FGR: variants seen among roughly 807,000 people sequenced by gnomAD.
FGR encodes the protein FGR proto-oncogene, Src family tyrosine kinase, also known as tyrosine-protein kinase Fgr.
FGR carries 26 observed loss-of-function variants against 63.2 expected under a neutral mutation model. The observed-to-expected ratio is 0.41, with a 90% CI of 0.30 to 0.57. The LOEUF (loss-of-function observed/expected upper bound fraction) is 0.57, where lower values mean the gene tolerates loss of function less well. Ranked by LOEUF, FGR falls within the 20% of genes least tolerant of loss-of-function variation. FGR has a pLI of 0.27. For synonymous variants in FGR, 286 were observed against 277.7 expected (o/e 1.03, Z -0.30); for missense variants, 511 against 690.8 (o/e 0.74, Z 2.92).
At chr1:27,621,445 A>T in intron 5 of FGR, 114 bp downstream of exon 5, 1 of 704,680 alleles carries the variant, frequency 1.4e-6, no homozygotes, top group Admixed American at 2.3e-5. Context: ...TTACAAAATT[A>T]TTAGATAAGG....
In FGR at chr1:27,615,796, A is replaced by C; in HGVS notation, c.731T>G (p.Met244Arg). ...GGCCAGGCCCAGCGTCTGCGGCTTC[A>C]TGATGGTGCAGGGCGCGATGAGCAG... Reference protein sequence around the residue: ...CNLLIAPCTIMKPQTLGLAKD... With the variant: ...CNLLIAPCTIRKPQTLGLAKD... Residue 244 changes from methionine to arginine, a missense_variant, in exon 8 of 13, where the codon ATG (methionine) becomes AGG (arginine). Physicochemically the swap from Met to Arg is moderately conservative, Grantham distance 91. Transcript: ENST00000374005. This position sits in a 1 kb window ranked among gnomAD's most constrained non-coding sequence, Gnocchi z 7.6. The C allele has an allele frequency of 6.2e-7, 1 of 1,601,012 alleles. No homozygotes were observed. The highest frequency in any genetic ancestry group is 8.5e-7 in the Non-Finnish European group (1 of 1,173,886).
intron 2 of FGR, among the ~76,000 whole-genome samples, chr1:27,624,545 G>T (rs1216462761): frequency 6.6e-6 from 1 of 152,170 alleles, no homozygotes; most frequent in Non-Finnish European, 1.5e-5. Flanking sequence ...GGGTGAGTTT[G>T]CCTGTGTGGG....
intron 5 of FGR, among the ~76,000 whole-genome samples, chr1:27,620,968 G>A (rs925331659): frequency 9.1e-6 from 1 of 110,262 alleles, no homozygotes; most frequent in Non-Finnish European, 1.7e-5. Flanking sequence ...CTCTAGCCTA[G>A]GCAACAGAGT....
chr1:27,612,804 A>G lies in FGR; in HGVS notation c.*110T>C. On this transcript the variant is annotated 3_prime_UTR_variant, in exon 13 of 13. Transcript: ENST00000374005. ...TGTCAGAGCAGCCACGTCCTCGGTG[A>G]TGCTAGGACTCTATGGGGTTCTAAG... The G allele has an allele frequency of 1.0e-6, 1 of 1,002,310 alleles. No homozygotes were observed. 62.1% of individuals were successfully genotyped at this position (1,002,310 alleles called of 1,614,324 possible).
At chr1:27,628,716 G>A (rs2090062125) in intron 1 of FGR, among the ~76,000 whole-genome samples, 2 of 152,312 alleles carry the variant, frequency 1.3e-5, no homozygotes, top group South Asian at 4.1e-4. Flanking sequence ...ATATCAGATG[G>A]AGGGGATCCC....
Position 27,616,720 on chromosome 1 carries a change from G to T in FGR, c.682+137C>A. The T allele has an allele frequency of 2.3e-6, 2 of 884,918 alleles. No homozygotes were observed. Among genetic ancestry groups the T allele is most frequent in the East Asian group, 2.6e-5 (1 of 39,040 alleles). 54.8% of individuals were successfully genotyped at this position (884,918 alleles called of 1,614,324 possible). On this transcript the variant is annotated intron_variant, in intron 7 of 12. Coordinates refer to ENST00000374005, the MANE Select transcript of FGR (RefSeq NM_005248.3). The surrounding 1 kb of genome is among the most constrained non-coding windows in gnomAD (Gnocchi z 4.3). ...GCTCACAGAGCTGGATCCTGGGCTG[G>T]CAGACCCCATCCTTGGGTTCTGGTT...
At chr1:27,620,911 A>G (rs1485949728) in intron 5 of FGR, among the ~76,000 whole-genome samples, 2 of 142,284 alleles carry the variant, frequency 1.4e-5, no homozygotes, top group African/African-American at 5.1e-5. Context: ...CATCTGAGCC[A>G]GGGAGGTCAA....
chr1:27,615,078 T>C lies in FGR; in HGVS notation c.1019-152A>G. 1 of 653,316 alleles carries C rather than the reference T, an allele frequency of 1.5e-6. No homozygotes were observed. Among genetic ancestry groups the C allele is most frequent in the South Asian group, 1.8e-5 (1 of 57,124 alleles). 40.5% of individuals were successfully genotyped at this position (653,316 alleles called of 1,614,324 possible). ...CCTCAACCCCTCACTTGTCTCGTCC[T>C]GGCCCTGCTGCCAGACACGGACTCT... On this transcript the variant is annotated intron_variant, in intron 9 of 12. Transcript: ENST00000374005. This position sits in a 1 kb window ranked among gnomAD's most constrained non-coding sequence, Gnocchi z 7.6.
intron 1 of FGR, among the ~76,000 whole-genome samples, chr1:27,632,081 G>A (rs1197122208): frequency 2.0e-5 from 3 of 150,110 alleles, no homozygotes; most frequent in Non-Finnish European, 4.4e-5. Context: ...CTTTGCTGAG[G>A]CCCCCACTGC....
rs759607337 is a variant in FGR at position 27,617,151 on chromosome 1, G to C, written c.532+42C>G. On this transcript the variant is annotated intron_variant, in intron 6 of 12. Coordinates refer to ENST00000374005, the MANE Select transcript of FGR (RefSeq NM_005248.3). The surrounding 1 kb of genome is among the most constrained non-coding windows in gnomAD (Gnocchi z 4.5). The stretch of plus-strand genomic sequence containing the variant: ...TACCGCTCCTAGCCCTACCCCAATG[G>C]CTGGGCCTCCCAGTCGCCTTGGGGC... 1 of 1,601,386 alleles carries C rather than the reference G, an allele frequency of 6.2e-7. No homozygotes were observed. Among genetic ancestry groups the C allele is most frequent in the South Asian group, 1.1e-5 (1 of 90,826 alleles).
Position 27,617,442 on chromosome 1 carries a change from G to T in FGR, c.429-146C>A, listed in dbSNP as rs2089836624. The T allele has an allele frequency of 1.3e-5, 8 of 634,636 alleles. No homozygotes were observed. Among genetic ancestry groups the T allele is most frequent in the Non-Finnish European group, 2.3e-5 (8 of 351,526 alleles). 39.3% of individuals were successfully genotyped at this position (634,636 alleles called of 1,614,324 possible). On this transcript the variant is annotated intron_variant, in intron 5 of 12. Transcript: ENST00000374005. The surrounding 1 kb of genome is among the most constrained non-coding windows in gnomAD (Gnocchi z 4.5). Reference sequence around the variant, plus strand: ...CCTGCTTCACATCCTGGCTGGGAGGGTTACAGAGAAGGGGAGTGTAAAATG... The same window carrying T: ...CCTGCTTCACATCCTGGCTGGGAGGTTTACAGAGAAGGGGAGTGTAAAATG...
rs1400755746 is a variant in FGR, at chr1:27,616,570, G to A, written c.682+287C>T. On this transcript the variant is annotated intron_variant, in intron 7 of 12. Transcript: ENST00000374005. This position sits in a 1 kb window ranked among gnomAD's most constrained non-coding sequence, Gnocchi z 4.3. ...AGGGCAGTCCTGGTGCCTTGGTGGGGCATTCAGGCGGCACAAACACTCCAT... is the reference window on the plus strand; with the variant it reads ...AGGGCAGTCCTGGTGCCTTGGTGGGACATTCAGGCGGCACAAACACTCCAT... Among the ~76,000 whole-genome samples, 2 of 152,238 alleles carry A rather than the reference G, an allele frequency of 1.3e-5. No homozygotes were observed. Among genetic ancestry groups the A allele is most frequent in the African/African-American group, 2.4e-5 (1 of 41,458 alleles).
At position 27,615,471 on chromosome 1, in the gene FGR, C is replaced by T. The variant is rs1340326277; in HGVS notation, c.981G>A (p.Glu327=). The T allele has an allele frequency of 6.2e-7, 1 of 1,610,294 alleles. No homozygotes were observed. ...ACTCGGTCACGATGTAGATGGGCTC[C>T]TCCGACACCACGGCGTACAGCTGCA... ...KLVQLYAVVS[E]EPIYIVTEFM... Residue 327 remains glutamate (E), a synonymous_variant, in exon 9 of 13, where the codon GAG becomes GAA. Transcript: ENST00000374005. This position sits in a 1 kb window ranked among gnomAD's most constrained non-coding sequence, Gnocchi z 7.6.
chr1:27,620,681 G>C (rs2089903697), intron 5 of FGR, among the ~76,000 whole-genome samples: 1 of 151,270 alleles, frequency 6.6e-6, no homozygotes. Context: ...ATAAATACTT[G>C]CTGTAGTATA....
chr1:27,613,497 G>A, intron 11 of FGR, 147 bp from the exon 12 acceptor site: 1 of 798,270 alleles, frequency 1.3e-6, no homozygotes. Context: ...GAGGTCAGGA[G>A]TTTGAGACCA....
intron 3 of FGR, chr1:27,623,409 G>C (rs1273543293): frequency 6.7e-6 from 4 of 596,674 alleles, no homozygotes; most frequent in Non-Finnish European, 1.2e-5. Flanking sequence ...TCCCATCTGG[G>C]AAGTGGCACC....
chr1:27,628,514 G>GAT (rs1486493872), intron 1 of FGR, among the ~76,000 whole-genome samples: 1 of 105,930 alleles, frequency 9.4e-6, no homozygotes, highest in South Asian at 3.2e-4. Flanking sequence ...CCCATGTAGG[G>GAT]ATACACACAC....
At chr1:27,622,822 T>C (rs1343788047) in intron 4 of FGR, among the ~76,000 whole-genome samples, 1 of 152,254 alleles carries the variant, frequency 6.6e-6, no homozygotes, top group Non-Finnish European at 1.5e-5. Context: ...TTCATTTTTA[T>C]AGCCTCAGCT....
At chr1:27,621,863 G>C (rs893982705) in intron 4 of FGR, among the ~76,000 whole-genome samples, 1 of 152,152 alleles carries the variant, frequency 6.6e-6, no homozygotes, top group Non-Finnish European at 1.5e-5. Flanking sequence ...ATAAGCTCGG[G>C]GGCACTTAGG....
Sources: allele counts gnomAD v4.1 joint callset (sites outside exome capture counted in the v4.1 genomes callset), GRCh38; gene constraint gnomAD v4.1.1; non-coding constraint Gnocchi (gnomAD v3.1); transcripts MANE v1.5; gene names NCBI Gene and HGNC (gene_info 2026-07-23, HGNC 2026-07-21).